Variants in NDE1 observed in about 807,000 individuals in gnomAD.
NDE1 encodes nuclear distribution protein nudE homolog 1.
A neutral mutation model predicts 43.4 loss-of-function variants in NDE1; 28 were observed. The observed-to-expected ratio is 0.65, with a 90% CI of 0.48 to 0.89. The LOEUF (loss-of-function observed/expected upper bound fraction) is 0.89, where lower values mean the gene tolerates loss of function less well. Among genes scored for constraint, NDE1 ranks in the 40% least tolerant of loss-of-function variants. NDE1 has a pLI of 0.00. For synonymous variants in NDE1, 184 were observed against 172.0 expected (o/e 1.07, Z -0.55); for missense variants, 441 against 434.1 (o/e 1.02, Z -0.14).
At chr16:15,647,320 C>T (rs1297701931), upstream of NDE1, among the ~76,000 whole-genome samples, 1 of 152,168 alleles carries the variant, frequency 6.6e-6, no homozygotes, top group Non-Finnish European at 1.5e-5. Context: ...ATCTCTTTGC[C>T]TCTAGCATAG....
chr16:15,720,776 G>A, intron 8 of NDE1: 1 of 1,504,516 alleles, frequency 6.6e-7, no homozygotes. Flanking sequence ...AACCATGAGA[G>A]TGGTGATAGG....
intron 8 of NDE1, chr16:15,719,520 G>C (rs1439727627): frequency 1.2e-6 from 2 of 1,609,854 alleles, no homozygotes; most frequent in Non-Finnish European, 1.7e-6. Flanking sequence ...GCACAGACTG[G>C]AGCTGCCAAG....
intron 4 of NDE1, among the ~76,000 whole-genome samples, chr16:15,685,508 C>A (rs1047023963): frequency 6.6e-6 from 1 of 152,128 alleles, no homozygotes; most frequent in African/African-American, 2.4e-5. Flanking sequence ...ACCTTGGCCT[C>A]CCAAAGTGCT....
intron 8 of NDE1, chr16:15,699,724 T>C (rs1656302924): frequency 7.4e-7 from 1 of 1,350,270 alleles, no homozygotes; most frequent in Non-Finnish European, 9.8e-7. Flanking sequence ...TTGCTCTGTC[T>C]GAAGGTTGGG....
rs71134451 is a variant in NDE1, at chr16:15,695,203, C to CTTTTTTTTT, written c.795+963_795+971dup. The stretch of plus-strand genomic sequence containing the variant: ...TCTCAGAAGAGAAAAAAACTGCCAC[C>CTTTTTTTTT]TTTTTTTTTTTTTTTTTTTTTTTTG... On this transcript the variant is annotated intron_variant, in intron 7 of 8. Coordinates refer to ENST00000396354, the MANE Select transcript of NDE1 (RefSeq NM_017668.3). 4.7e-3 allele frequency among the ~76,000 whole-genome samples: 372 copies of CTTTTTTTTT among 79,640 alleles called. 6 individuals are homozygous for CTTTTTTTTT. The highest frequency in any genetic ancestry group is 0.02 in the African/African-American group (358 of 18,062). The allele number at this position is 79,640 out of a possible 152,430, so 52.2% of individuals were successfully genotyped here. A position where few individuals can be genotyped will look rare whatever the true frequency, so the allele number is the denominator to read the frequency against.
At chr16:15,709,619 T>G (rs2039667206) in intron 8 of NDE1, among the ~76,000 whole-genome samples, 1 of 152,122 alleles carries the variant, frequency 6.6e-6, no homozygotes, top group Admixed American at 6.6e-5. Flanking sequence ...CCGGCTCAGT[T>G]TTTTAAATGG....
At position 15,724,692 on chromosome 16, in the gene NDE1, C is replaced by T. The variant is rs771064336; in HGVS notation, c.*441C>T. The T allele has an allele frequency of 1.9e-6, 3 of 1,614,204 alleles. No homozygotes were observed. In the South Asian group the frequency reaches 3.3e-5, roughly 18 times the overall value. ...TGTGGCGCTCCAGGTTCTGCTTGGC[C>T]TCCATCTCCTCGTCCAGCTGGTCTT... On this transcript the variant is annotated 3_prime_UTR_variant, in exon 9 of 9. Transcript: ENST00000396354.
intron 1 of NDE1, among the ~76,000 whole-genome samples, chr16:15,656,422 C>T (rs1055615092): frequency 1.6e-4 from 25 of 152,248 alleles, no homozygotes; most frequent in African/African-American, 5.3e-4. Context: ...CCACAATAGA[C>T]GCACCTCCTA....
intron 8 of NDE1, among the ~76,000 whole-genome samples, chr16:15,700,962 G>C (rs114401871): frequency 6.6e-6 from 1 of 152,098 alleles, no homozygotes; most frequent in South Asian, 2.1e-4. Flanking sequence ...TAGGCTGGGC[G>C]CGGTGGCTCA....
At chr16:15,655,607 G>C (rs1004090110) in intron 1 of NDE1, among the ~76,000 whole-genome samples, 14 of 152,146 alleles carry the variant, frequency 9.2e-5, no homozygotes, top group Non-Finnish European at 1.3e-4. Context: ...AATACCATTT[G>C]ACCCAGCCAT....
In NDE1 at chr16:15,708,802, C is replaced by T. The variant is rs557821702; in HGVS notation, c.947+11942C>T. On this transcript the variant is annotated intron_variant, in intron 8 of 8. Coordinates refer to ENST00000396354, the MANE Select transcript of NDE1 (RefSeq NM_017668.3). ...CAGCTGCGAAGCTGAAGGCATGATA[C>T]CTGGTGCATCACTGCGAAGTTTCCT... The T allele has an allele frequency of 9.1e-5, 146 of 1,607,660 alleles. 1 individual carries two copies. In the South Asian group the frequency reaches 1.5e-3, roughly 17 times the overall value.
At chr16:15,694,067 A>G in intron 6 of NDE1, 98 bp from the exon 7 acceptor site, 1 of 1,379,204 alleles carries the variant, frequency 7.3e-7, no homozygotes, top group Non-Finnish European at 1.0e-6. Flanking sequence ...GAAAGGCGTC[A>G]GTGTCCCTCC....
At position 15,717,298 on chromosome 16, in the gene NDE1, C is replaced by G. The variant is rs375743675; in HGVS notation, c.948-6893C>G. The G allele has an allele frequency of 2.5e-6, 4 of 1,612,838 alleles. No individual in the cohort carries two copies. The African/African-American group carries it at 4.0e-5, about 16-fold the overall frequency. On this transcript the variant is annotated intron_variant, in intron 8 of 8. Transcript: ENST00000396354. ...CGAGCTGCTGCCGGGCACTCTCATT[C>G]TTCTGGGCCGTGCTGCGCTCTGTGG...
At chr16:15,672,674 GTT>G (rs2037656151) in intron 3 of NDE1, 1 of 152,218 alleles carries the variant, frequency 6.6e-6, no homozygotes, top group African/African-American at 2.4e-5. Flanking sequence ...TCAGCAACAG[GTT>G]TTCATGTCCA....
chr16:15,666,305 A>G (rs1175472079), intron 2 of NDE1, among the ~76,000 whole-genome samples: 1 of 152,062 alleles, frequency 6.6e-6, no homozygotes, highest in Admixed American at 6.6e-5. Context: ...CAGTCCCCTT[A>G]GTTTCTTTCA....
At chr16:15,709,388 C>T (rs2039652930) in intron 8 of NDE1, among the ~76,000 whole-genome samples, 1 of 151,950 alleles carries the variant, frequency 6.6e-6, no homozygotes, top group Non-Finnish European at 1.5e-5. Context: ...TATCTCTGCT[C>T]ACTGCAACCT....
intron 3 of NDE1, among the ~76,000 whole-genome samples, chr16:15,676,228 T>TG (rs1050843138): frequency 7.5e-5 from 11 of 146,360 alleles, no homozygotes; most frequent in African/African-American, 2.3e-4. Flanking sequence ...TTTTCTGGTT[T>TG]TTTTTTTTTT....
At chr16:15,721,985 G>A (rs1284330647) in intron 8 of NDE1, among the ~76,000 whole-genome samples, 1 of 152,094 alleles carries the variant, frequency 6.6e-6, no homozygotes, top group Non-Finnish European at 1.5e-5. Context: ...AGCCTCCAGA[G>A]TAGTTGGGAT....
chr16:15,695,765 C>T (rs1003326146), intron 7 of NDE1: 208 of 941,992 alleles, frequency 2.2e-4, no homozygotes, highest in Non-Finnish European at 2.6e-4. Context: ...GTCTGGTTTG[C>T]TATTCTAGAA....
Sources: gnomAD v4.1 joint callset for allele counts (sites outside exome capture counted in the v4.1 genomes callset) on GRCh38, gnomAD v4.1.1 for gene constraint, MANE v1.5 for transcripts, NCBI Gene and HGNC (gene_info 2026-07-23, HGNC 2026-07-21) for gene names.